Variants in SPMIP7 observed in about 807,000 individuals in gnomAD.
The protein encoded by SPMIP7 is protein SPMIP7.
chr7:50,098,314 C>T, the SPMIP7 span, among the ~76,000 whole-genome samples: 1 of 152,266 alleles, frequency 6.6e-6, no homozygotes, highest in African/African-American at 2.4e-5. Context: ...ATTAACAATT[C>T]TAAACTTATT....
At chr7:50,118,861 C>T in the SPMIP7 span, among the ~76,000 whole-genome samples, 2 of 152,138 alleles carry the variant, frequency 1.3e-5, no homozygotes, top group East Asian at 3.8e-4. Flanking sequence ...ATCAAATCCA[C>T]CCCCAGTGGA....
At chr7:50,122,397 C>T in the SPMIP7 span, among the ~76,000 whole-genome samples, 2 of 149,440 alleles carry the variant, frequency 1.3e-5, no homozygotes, top group African/African-American at 4.9e-5. Context: ...CTTCCTTACA[C>T]CTTATACAAA....
At chr7:50,124,139 T>C in the SPMIP7 span, among the ~76,000 whole-genome samples, 1 of 152,030 alleles carries the variant, frequency 6.6e-6, no homozygotes, top group Non-Finnish European at 1.5e-5. Context: ...TTACAAGACA[T>C]AGAGAGAGTC....
chr7:50,142,175 G>A, the SPMIP7 span: 1 of 152,172 alleles, frequency 6.6e-6, no homozygotes, highest in African/African-American at 2.4e-5. Flanking sequence ...CTAAAGGAAG[G>A]ATATAGGAAG....
At chr7:50,155,472 A>T in the SPMIP7 span, among the ~76,000 whole-genome samples, 3 of 152,166 alleles carry the variant, frequency 2.0e-5, no homozygotes, top group Non-Finnish European at 4.4e-5. Context: ...TTTAGGAGGG[A>T]TCCGATGCAG....
the SPMIP7 span, among the ~76,000 whole-genome samples, chr7:50,101,738 T>C: frequency 6.6e-6 from 1 of 152,166 alleles, no homozygotes; most frequent in Admixed American, 6.5e-5. Context: ...CAAAATGCCA[T>C]CCTGTTGCTT....
chr7:50,142,120 T>C, the SPMIP7 span: 1 of 152,060 alleles, frequency 6.6e-6, no homozygotes, highest in Non-Finnish European at 1.5e-5. Context: ...CTTCCATACA[T>C]TCTGCAAGGA....
the SPMIP7 span, chr7:50,140,065 G>A: frequency 9.8e-7 from 1 of 1,024,224 alleles, no homozygotes; most frequent in Non-Finnish European, 1.4e-6. Context: ...GTCTTAATTA[G>A]AGAAATACTG....
the SPMIP7 span, among the ~76,000 whole-genome samples, chr7:50,145,197 A>G: frequency 1.3e-5 from 2 of 151,880 alleles, no homozygotes; most frequent in African/African-American, 4.8e-5. Context: ...TGGGAGGTGA[A>G]GGTTGCAGTG....
chr7:50,122,551 C>T, the SPMIP7 span, among the ~76,000 whole-genome samples: 2 of 150,986 alleles, frequency 1.3e-5, no homozygotes, highest in Non-Finnish European at 3.0e-5. Flanking sequence ...GCAACAAAAG[C>T]CAAAATTGAC....
At chr7:50,134,434 C>A in the SPMIP7 span, among the ~76,000 whole-genome samples, 5 of 152,058 alleles carry the variant, frequency 3.3e-5, no homozygotes, top group African/African-American at 1.2e-4. Context: ...CGTAATCGTG[C>A]AAGTTATTGA....
the SPMIP7 span, among the ~76,000 whole-genome samples, chr7:50,110,586 C>T: frequency 4.3e-5 from 6 of 140,304 alleles, no homozygotes; most frequent in Non-Finnish European, 7.6e-5. Context: ...ACTACATTTA[C>T]ATTTGACATA....
chr7:50,155,955 G>A, the SPMIP7 span, among the ~76,000 whole-genome samples: 1 of 148,782 alleles, frequency 6.7e-6, no homozygotes, highest in Admixed American at 6.7e-5. Flanking sequence ...TAGAAAAAGT[G>A]ACACTAACCA....
the SPMIP7 span, among the ~76,000 whole-genome samples, chr7:50,143,474 G>A: frequency 9.9e-5 from 15 of 152,148 alleles, no homozygotes; most frequent in African/African-American, 2.4e-4. Context: ...CCCAAAAACC[G>A]TATTTCAGGC....
At chr7:50,148,349 T>A in the SPMIP7 span, among the ~76,000 whole-genome samples, 1 of 152,236 alleles carries the variant, frequency 6.6e-6, no homozygotes, top group African/African-American at 2.4e-5. Flanking sequence ...CCATTTAGCA[T>A]CAATAACATG....
the SPMIP7 span, among the ~76,000 whole-genome samples, chr7:50,106,216 T>G: frequency 1.3e-5 from 2 of 152,200 alleles, no homozygotes; most frequent in African/African-American, 2.4e-5. Flanking sequence ...CTCTCTAAAA[T>G]TTAAGCCTAG....
the SPMIP7 span, among the ~76,000 whole-genome samples, chr7:50,107,556 T>C: frequency 1.3e-5 from 2 of 151,912 alleles, no homozygotes; most frequent in African/African-American, 2.4e-5. Context: ...GAAGAAACTA[T>C]GGTGAAGCAC....
At chr7:50,151,466 G>T in the SPMIP7 span, 1 of 1,551,104 alleles carries the variant, frequency 6.4e-7, no homozygotes, top group Non-Finnish European at 8.7e-7. Flanking sequence ...AAATATTCCA[G>T]GATATACCGG....
chr7:50,117,244 AG>A, the SPMIP7 span: 1 of 456,148 alleles, frequency 2.2e-6, no homozygotes. Flanking sequence ...AGGCATTAGG[AG>A]TACTTACCCA....
Sources: allele counts gnomAD v4.1 joint callset (sites outside exome capture counted in the v4.1 genomes callset), GRCh38; gene constraint gnomAD v4.1.1; transcripts MANE v1.5; gene names NCBI Gene and HGNC (gene_info 2026-07-23, HGNC 2026-07-21).